The following RPS6KA5 variants were observed in gnomAD, a reference collection of about 807,000 sequenced individuals.
RPS6KA5 encodes the protein ribosomal protein S6 kinase alpha-5.
Under a neutral mutation model 85.5 loss-of-function variants are expected in RPS6KA5, and 27 were observed. The ratio of observed to expected loss-of-function variants is 0.32; its 90% CI spans 0.23 to 0.44. The LOEUF (loss-of-function observed/expected upper bound fraction) is 0.44. Ranked by LOEUF, RPS6KA5 falls within the 20% of genes least tolerant of loss-of-function variation. The probability of loss-of-function intolerance (pLI) is 1.00; values close to 1 mark genes in which losing one functional copy is unlikely to be tolerated. For synonymous variants in RPS6KA5, 334 were observed against 348.2 expected (o/e 0.96, Z 0.46); for missense variants, 811 against 980.9 (o/e 0.83, Z 2.31).
chr14:91,024,054 T>C (rs1321819253), intron 1 of RPS6KA5, among the ~76,000 whole-genome samples: 1 of 152,236 alleles, frequency 6.6e-6, no homozygotes, highest in Non-Finnish European at 1.5e-5. Context: ...GTTCTCCATT[T>C]CAGCCACTTT....
At chr14:91,045,325 C>T (rs113446034) in intron 1 of RPS6KA5, among the ~76,000 whole-genome samples, 2,334 of 148,086 alleles carry the variant, frequency 0.016, 56 homozygotes, top group African/African-American at 0.056. Flanking sequence ...CAATCAACGG[C>T]GTGATCTTGG....
chr14:91,028,391 A>G (rs1178305778), intron 1 of RPS6KA5, among the ~76,000 whole-genome samples: 1 of 151,960 alleles, frequency 6.6e-6, no homozygotes, highest in Non-Finnish European at 1.5e-5. Context: ...ATAATTTTTT[A>G]TTATTTGTAG....
intron 1 of RPS6KA5, 97 bp downstream of exon 1, chr14:91,060,234 CG>C (rs1322043987): frequency 1.0e-6 from 1 of 965,002 alleles, no homozygotes; most frequent in Non-Finnish European, 1.2e-6. Flanking sequence ...TCCGCGCCCA[CG>C]GCTGCGGCCC....
chr14:90,925,499 G>A (rs1352385969), intron 5 of RPS6KA5, among the ~76,000 whole-genome samples: 1 of 152,080 alleles, frequency 6.6e-6, no homozygotes, highest in Non-Finnish European at 1.5e-5. Context: ...TGCACGGTGT[G>A]GGGAAGTAGG....
intron 13 of RPS6KA5, among the ~76,000 whole-genome samples, chr14:90,892,571 TCTCAGAAGAGTATG>T (rs751343840): frequency 0.12 from 17,707 of 152,180 alleles, 1,448 homozygotes; most frequent in East Asian, 0.23. Flanking sequence ...CTTTTCTTAA[TCTCAGAAGAGTATG>T]GGACAAGTTT....
intron 2 of RPS6KA5, among the ~76,000 whole-genome samples, chr14:90,978,967 A>G (rs563512789): frequency 1.3e-5 from 2 of 152,326 alleles, no homozygotes; most frequent in East Asian, 3.9e-4. Context: ...CAAATGCCTC[A>G]ATTATTCCTC....
chr14:90,936,146 C>T (rs576351288), intron 5 of RPS6KA5, among the ~76,000 whole-genome samples: 1 of 152,100 alleles, frequency 6.6e-6, no homozygotes, highest in African/African-American at 2.4e-5. Flanking sequence ...AGAGCTTGAT[C>T]GAATTTTCTG....
intron 3 of RPS6KA5, among the ~76,000 whole-genome samples, chr14:90,965,526 A>G (rs1298652150): frequency 6.6e-6 from 1 of 152,184 alleles, no homozygotes; most frequent in African/African-American, 2.4e-5. Context: ...TCAGACAGAG[A>G]GGAAGACAGT....
At chr14:91,048,201 A>G (rs768945995) in intron 1 of RPS6KA5, among the ~76,000 whole-genome samples, 7 of 152,258 alleles carry the variant, frequency 4.6e-5, no homozygotes, top group East Asian at 3.8e-4. Flanking sequence ...GAAAATCTAC[A>G]TAACAGTAAG....
chr14:90,941,792 C>T (rs1355745319), intron 5 of RPS6KA5, among the ~76,000 whole-genome samples: 2 of 152,178 alleles, frequency 1.3e-5, no homozygotes, highest in Non-Finnish European at 2.9e-5. Flanking sequence ...AATGTAGTTG[C>T]TATTTTCTCT....
intron 9 of RPS6KA5, 105 bp from the exon 10 acceptor site, chr14:90,900,841 T>C (rs1595163547): frequency 1.8e-5 from 16 of 873,696 alleles, no homozygotes; most frequent in Middle Eastern, 2.5e-4. Context: ...CACTCAAATA[T>C]TTGTTGAGAT....
intron 1 of RPS6KA5, among the ~76,000 whole-genome samples, chr14:91,014,469 T>C (rs529986272): frequency 5.9e-4 from 85 of 144,150 alleles, no homozygotes; most frequent in Non-Finnish European, 9.9e-4. Context: ...ACCACTGCAC[T>C]CCAGCCTGGG....
intron 9 of RPS6KA5, among the ~76,000 whole-genome samples, chr14:90,901,129 G>C (rs889341465): frequency 1.3e-5 from 2 of 150,622 alleles, no homozygotes; most frequent in Non-Finnish European, 3.0e-5. Context: ...TTTTGAGATT[G>C]AGTCTGGCTC....
chr14:90,930,625 C>A (rs2036922781), intron 5 of RPS6KA5, among the ~76,000 whole-genome samples: 1 of 151,916 alleles, frequency 6.6e-6, no homozygotes. Context: ...AAAATATTTG[C>A]AAATCATATA....
rs770819187 is a variant in RPS6KA5 at position 90,870,284 on chromosome 14, C to A, written c.*1790G>T. The A allele has an allele frequency of 2.6e-5, 4 of 151,950 alleles. No homozygotes were observed. Among genetic ancestry groups the A allele is most frequent in the Non-Finnish European group, 5.9e-5 (4 of 67,986 alleles). The allele number at this position is 151,950 out of a possible 1,614,324, so 9.4% of individuals were successfully genotyped here. A position where few individuals can be genotyped will look rare whatever the true frequency, so the allele number is the denominator to read the frequency against. On this transcript the variant is annotated 3_prime_UTR_variant, in exon 17 of 17. Coordinates refer to ENST00000614987, the MANE Select transcript of RPS6KA5 (RefSeq NM_004755.4). ...GATGGAATCACATTTTGTGAATTAG[C>A]AATAGTTTGGTAATAATTCACACAA...
chr14:91,048,725 A>G (rs942364841), intron 1 of RPS6KA5, among the ~76,000 whole-genome samples: 7 of 152,232 alleles, frequency 4.6e-5, no homozygotes, highest in African/African-American at 1.7e-4. Context: ...TGAGGTGCAC[A>G]GAGAGATCTG....
At position 90,989,989 on chromosome 14, in the gene RPS6KA5, T is replaced by C. The variant is rs79734721; in HGVS notation, c.175+11099A>G. On this transcript the variant is annotated intron_variant, in intron 2 of 16. Transcript: ENST00000614987. ...GAACAAGTCAGTGCTATGCTCTCTA[T>C]GGAGGGCTCTCAGTGCAACAATTCA... Among the ~76,000 whole-genome samples, 670 of 152,240 alleles carry C rather than the reference T, an allele frequency of 4.4e-3. 4 individuals carry two copies. The highest frequency in any genetic ancestry group is 0.015 in the African/African-American group (642 of 41,528).
chr14:90,914,595 G>A (rs1298932624), intron 7 of RPS6KA5, among the ~76,000 whole-genome samples: 4 of 152,198 alleles, frequency 2.6e-5, no homozygotes, highest in African/African-American at 7.2e-5. Context: ...GATTACAAGC[G>A]TGAGCCACTG....
intron 14 of RPS6KA5, among the ~76,000 whole-genome samples, chr14:90,883,215 T>G (rs1566686949): frequency 6.6e-6 from 1 of 152,232 alleles, no homozygotes; most frequent in African/African-American, 2.4e-5. Context: ...TTTCTTCCAA[T>G]ATTCTCTCTG....
Sources: allele counts gnomAD v4.1 joint callset (sites outside exome capture counted in the v4.1 genomes callset), GRCh38; gene constraint gnomAD v4.1.1; transcripts MANE v1.5; gene names NCBI Gene and HGNC (gene_info 2026-07-23, HGNC 2026-07-21).